Variants in PPM1F observed in about 807,000 individuals in gnomAD.
PPM1F encodes the protein protein phosphatase 1F.
Under a neutral mutation model 35.5 loss-of-function variants are expected in PPM1F, and 17 were observed. The ratio of observed to expected loss-of-function variants is 0.48; its 90% CI spans 0.33 to 0.72. The LOEUF (loss-of-function observed/expected upper bound fraction) is 0.72. Among genes scored for constraint, PPM1F ranks in the 30% least tolerant of loss-of-function variants. The pLI is 0.02. For missense variants in PPM1F, 521 were observed against 613.0 expected (o/e 0.85, Z 1.59); for synonymous variants, 241 against 255.5 (o/e 0.94, Z 0.54).
intron 7 of PPM1F, 119 bp from the exon 8 acceptor site, chr22:21,923,590 T>A (rs964462449): frequency 8.6e-7 from 1 of 1,156,090 alleles, no homozygotes; most frequent in African/African-American, 1.6e-5. Flanking sequence ...TCTCATGGGG[T>A]CTGGGGTCTG....
At chr22:21,946,197 A>G (rs561521621) in intron 1 of PPM1F, 89 bp from the exon 2 acceptor site, 1 of 598,866 alleles carries the variant, frequency 1.7e-6, no homozygotes, top group East Asian at 3.2e-5. Context: ...TGGCAGGTGC[A>G]TGGCCTCATG....
At chr22:21,927,867 T>C (rs575165202) in intron 6 of PPM1F, among the ~76,000 whole-genome samples, 1 of 150,128 alleles carries the variant, frequency 6.7e-6, no homozygotes, top group South Asian at 2.1e-4. Flanking sequence ...GACTAACATA[T>C]CCCCAGGCTA....
rs1188962925 is a variant in PPM1F, at chr22:21,933,610, C to T, written c.559-31G>A. The T allele has an allele frequency of 5.0e-6, 8 of 1,587,744 alleles. No homozygotes were observed. In the East Asian group the frequency reaches 1.1e-4, roughly 22 times the overall value. On this transcript the variant is annotated intron_variant, in intron 4 of 7. Coordinates refer to ENST00000263212, the MANE Select transcript of PPM1F (RefSeq NM_014634.4). ...GGGGATGTGGTGGGAGTCACAGACCCGCGGGACCCAGGGTGCTCCCAGTGG... is the reference window on the plus strand; with the variant it reads ...GGGGATGTGGTGGGAGTCACAGACCTGCGGGACCCAGGGTGCTCCCAGTGG...
In PPM1F at chr22:21,923,166, G is replaced by A. The variant is rs2070467160; in HGVS notation, c.1291C>T (p.Gln431Ter). The change falls in exon 8 of 8, where the codon CAG becomes TAG. Residue 431 changes from glutamine to a stop codon, truncating the protein, a stop_gained. Coordinates refer to ENST00000263212, the MANE Select transcript of PPM1F (RefSeq NM_014634.4). LOFTEE classifies it low-confidence loss of function (END_TRUNC). ...AAGTCCTGCCTCCTCCCTTCTGCCT[G>A]GGGGTCCCCTTCTCCCTGGTTCCCG... ...EGGNQGEGDP[Q>*]AEGRRQDLPS... The A allele has an allele frequency of 6.2e-7, 1 of 1,613,570 alleles. No homozygotes were observed. Among genetic ancestry groups the A allele is most frequent in the African/African-American group, 1.3e-5 (1 of 74,886 alleles).
At chr22:21,950,957 T>C (rs2070829901) in intron 1 of PPM1F, 1 of 152,194 alleles carries the variant, frequency 6.6e-6, no homozygotes, top group South Asian at 2.1e-4. Flanking sequence ...TTCTTATTTC[T>C]TTATTCATAA....
At chr22:21,926,758 G>A (rs1251776064) in intron 6 of PPM1F, among the ~76,000 whole-genome samples, 1 of 152,178 alleles carries the variant, frequency 6.6e-6, no homozygotes, top group Non-Finnish European at 1.5e-5. Flanking sequence ...CGCAGCACCA[G>A]CCCTTCTAGT....
At chr22:21,945,605 C>G (rs1325688759) in intron 2 of PPM1F, 4 of 523,704 alleles carry the variant, frequency 7.6e-6, no homozygotes, top group Non-Finnish European at 1.4e-5. Context: ...CAGCTGCCAC[C>G]TTGATCTTGG....
rs2070439729 is a variant in PPM1F at position 21,920,867 on chromosome 22, G to A, written c.*2225C>T. Reference sequence around the variant, plus strand: ...GCCAATCATTCTCTCTCTTCGTCAAGGTTATGCCCACGGGCAGGGTGGGCT... The same window carrying A: ...GCCAATCATTCTCTCTCTTCGTCAAAGTTATGCCCACGGGCAGGGTGGGCT... On this transcript the variant is annotated 3_prime_UTR_variant, in exon 8 of 8. Transcript: ENST00000263212. 6.6e-6 allele frequency: 1 copy of A among 152,252 alleles called. No homozygotes were observed. The highest frequency in any genetic ancestry group is 6.5e-5 in the Admixed American group (1 of 15,290). 9.4% of individuals were successfully genotyped at this position (152,252 alleles called of 1,614,324 possible). A position where few individuals can be genotyped will look rare whatever the true frequency, so the allele number is the denominator to read the frequency against.
rs1206666177 is a variant in PPM1F at position 21,921,861 on chromosome 22, A to G, written c.*1231T>C. The G allele has an allele frequency of 6.6e-6, 1 of 152,216 alleles. No individual in the cohort carries two copies. The highest frequency in any genetic ancestry group is 1.9e-4 in the East Asian group (1 of 5,200). The allele number at this position is 152,216 out of a possible 1,614,324, so 9.4% of individuals were successfully genotyped here. On this transcript the variant is annotated 3_prime_UTR_variant, in exon 8 of 8. Transcript: ENST00000263212. Reference sequence around the variant, plus strand: ...TCTGCCTGGGATCCAGCCAGGCCCAAGGGGGTGGGAATGCAGGCAGATGGG... The same window carrying G: ...TCTGCCTGGGATCCAGCCAGGCCCAGGGGGGTGGGAATGCAGGCAGATGGG...
Position 21,931,294 on chromosome 22 carries a change from G to A in PPM1F, c.748-3C>T, listed in dbSNP as rs758060831. ...CCTGTGGTGCCGCTCTGCAGCCGCT[G>A]CAGGGAGAGAGGGCCCATGAGAGTT... On this transcript the variant is annotated splice_region_variant and splice_polypyrimidine_tract_variant and intron_variant, in intron 5 of 7. Coordinates refer to ENST00000263212, the MANE Select transcript of PPM1F (RefSeq NM_014634.4). 5 of 1,611,462 alleles carry A rather than the reference G, an allele frequency of 3.1e-6. No individual in the cohort carries two copies. The East Asian group carries it at 1.1e-4, about 36-fold the overall frequency.
At chr22:21,938,566 G>C (rs2070689952) in intron 3 of PPM1F, 7 of 1,031,408 alleles carry the variant, frequency 6.8e-6, no homozygotes, top group Non-Finnish European at 8.2e-6. Flanking sequence ...TAGTAATGCC[G>C]AATTTAGAAC....
intron 6 of PPM1F, among the ~76,000 whole-genome samples, chr22:21,928,854 ATCCTGCCAGG>A (rs2070552248): frequency 9.2e-6 from 1 of 108,382 alleles, no homozygotes; most frequent in Non-Finnish European, 1.9e-5. Flanking sequence ...TCTCTGCCTC[ATCCTGCCAGG>A]TCCTTGCCCT....
intron 3 of PPM1F, chr22:21,936,110 G>A (rs938973968): frequency 1.3e-5 from 2 of 152,160 alleles, no homozygotes; most frequent in African/African-American, 2.4e-5. Context: ...TCGAGGTTAC[G>A]GCGATCTCCG....
chr22:21,941,424 A>G (rs1233265016), intron 2 of PPM1F: 1 of 152,384 alleles, frequency 6.6e-6, no homozygotes, highest in Non-Finnish European at 1.5e-5. Flanking sequence ...TGAAGTTTCT[A>G]TTCTGAGCAA....
At chr22:21,947,856 A>G (rs1290051585) in intron 1 of PPM1F, 2 of 152,226 alleles carry the variant, frequency 1.3e-5, no homozygotes, top group Non-Finnish European at 2.9e-5. Flanking sequence ...GGAAGCCTAA[A>G]GATAAAAAAC....
Position 21,920,414 on chromosome 22 carries a change from TG to T in PPM1F, c.*2677del, listed in dbSNP as rs1569123731. On this transcript the variant is annotated 3_prime_UTR_variant, in exon 8 of 8. Transcript: ENST00000263212. ...CAGTGTCCCTGGCTAGGGGCCCTCA[TG>T]GGACTGTGGCTGGAAGAGAAGGTCG... 5.9e-5 allele frequency: 9 copies of T among 152,808 alleles called. No individual in the cohort carries two copies. Among genetic ancestry groups the T allele is most frequent in the Non-Finnish European group, 1.5e-5 (1 of 68,136 alleles). 9.5% of individuals were successfully genotyped at this position (152,808 alleles called of 1,614,324 possible).
In PPM1F at chr22:21,925,430, G is replaced by T. The variant is rs1275153971; in HGVS notation, c.985+139C>A. The T allele has an allele frequency of 7.5e-6, 5 of 668,528 alleles. No individual in the cohort carries two copies. In the Admixed American group the frequency reaches 1.2e-4, roughly 16 times the overall value. 41.4% of individuals were successfully genotyped at this position (668,528 alleles called of 1,614,324 possible). A position where few individuals can be genotyped will look rare whatever the true frequency, so the allele number is the denominator to read the frequency against. ...TGCCCTGTTCCCTTCACACTACGAG[G>T]GTATCACCCCAGTGCATGACAAATC... is the stretch of plus-strand genomic sequence containing the variant. On this transcript the variant is annotated intron_variant, in intron 7 of 7. Transcript: ENST00000263212.
intron 4 of PPM1F, 59 bp downstream of exon 4, chr22:21,933,965 C>A: frequency 6.8e-7 from 1 of 1,475,530 alleles, no homozygotes; most frequent in Non-Finnish European, 9.1e-7. Flanking sequence ...ACCTGGGGGG[C>A]CCCCACCCTC....
intron 6 of PPM1F, 47 bp from the exon 7 acceptor site, chr22:21,925,709 C>A: frequency 4.1e-6 from 6 of 1,465,670 alleles, no homozygotes; most frequent in Non-Finnish European, 5.5e-6. Flanking sequence ...GGGGATGGGG[C>A]GTGAAGCCCC....
Sources: allele counts gnomAD v4.1 joint callset (sites outside exome capture counted in the v4.1 genomes callset), GRCh38; gene constraint gnomAD v4.1.1; transcripts MANE v1.5; gene names NCBI Gene and HGNC (gene_info 2026-07-23, HGNC 2026-07-21).